Variants in HIP1 observed in about 807,000 individuals in gnomAD.
HIP1 encodes huntingtin-interacting protein 1.
A neutral mutation model predicts 147.6 loss-of-function variants in HIP1; 65 were observed. The observed-to-expected ratio is 0.44, with a 90% CI of 0.36 to 0.54. The LOEUF (loss-of-function observed/expected upper bound fraction) is 0.54. Ranked by LOEUF, HIP1 falls within the 20% of genes least tolerant of loss-of-function variation. HIP1 has a pLI of 0.00. For missense variants in HIP1, 1,061 were observed against 1,299.6 expected (o/e 0.82, Z 2.82); for synonymous variants, 479 against 504.0 (o/e 0.95, Z 0.67).
chr7:75,591,915 T>G lies in HIP1; in HGVS notation c.384+141A>C, dbSNP rs184617070. The G allele has an allele frequency of 3.7e-3, 2,820 of 761,140 alleles. 3 individuals carry two copies. Among genetic ancestry groups the G allele is most frequent in the Non-Finnish European group, 5.2e-3 (2,232 of 425,958 alleles). The allele number at this position is 761,140 out of a possible 1,614,324, so 47.1% of individuals were successfully genotyped here. ...ATCATGGTACTCTTTGGGGGCATCC[T>G]TAGTCCGTCTCTGGCACCCATGGGA... On this transcript the variant is annotated intron_variant, in intron 4 of 30. Coordinates refer to ENST00000336926, the MANE Select transcript of HIP1 (RefSeq NM_005338.7).
At chr7:75,715,358 T>A (rs190995273) in intron 1 of HIP1, among the ~76,000 whole-genome samples, 34 of 148,218 alleles carry the variant, frequency 2.3e-4, no homozygotes, top group African/African-American at 8.0e-4. Context: ...GCCAGTGCAA[T>A]CCAGCCTGGG....
intron 1 of HIP1, among the ~76,000 whole-genome samples, chr7:75,728,628 G>A (rs969030730): frequency 6.6e-6 from 1 of 152,160 alleles, no homozygotes; most frequent in Admixed American, 6.6e-5. Flanking sequence ...CCCTTTCAGT[G>A]CCCAAGTGGG....
rs587728473 is a variant in HIP1, at chr7:75,544,942, C to T, written c.2661-142G>A. The T allele has an allele frequency of 1.7e-5, 13 of 748,016 alleles. No individual in the cohort carries two copies. The Admixed American group carries it at 1.8e-4, about 10-fold the overall frequency. 46.3% of individuals were successfully genotyped at this position (748,016 alleles called of 1,614,324 possible). A position where few individuals can be genotyped will look rare whatever the true frequency, so the allele number is the denominator to read the frequency against. ...CCCTGTGTCCCCTGGGAGAGCCAGGCTCCCTTGTAAACTCGGTCCTATTGA... is the reference window on the plus strand; with the variant it reads ...CCCTGTGTCCCCTGGGAGAGCCAGGTTCCCTTGTAAACTCGGTCCTATTGA... On this transcript the variant is annotated intron_variant, in intron 26 of 30. Coordinates refer to ENST00000336926, the MANE Select transcript of HIP1 (RefSeq NM_005338.7).
intron 1 of HIP1, among the ~76,000 whole-genome samples, chr7:75,700,102 C>A (rs1351753376): frequency 6.6e-6 from 1 of 152,156 alleles, no homozygotes; most frequent in Admixed American, 6.6e-5. Flanking sequence ...CCGCCCGCAT[C>A]GGCCTCTCAA....
At chr7:75,704,770 A>G (rs1159508102) in intron 1 of HIP1, among the ~76,000 whole-genome samples, 3 of 130,556 alleles carry the variant, frequency 2.3e-5, no homozygotes, top group Admixed American at 7.8e-5. Flanking sequence ...ATGGGCTTTC[A>G]CCATGTTGCC....
At position 75,536,651 on chromosome 7, in the gene HIP1, G is replaced by T. The variant is rs1275530572; in HGVS notation, c.*1521C>A. ...ACAGGGCAGCGAGAGCCTGGGGCAT[G>T]TGGCTGAAAGGAGTTGGAGCCGCTG... On this transcript the variant is annotated 3_prime_UTR_variant, in exon 31 of 31. Coordinates refer to ENST00000336926, the MANE Select transcript of HIP1 (RefSeq NM_005338.7). The T allele has an allele frequency of 1.3e-5, 3 of 229,722 alleles. No homozygotes were observed. Among genetic ancestry groups the T allele is most frequent in the African/African-American group, 6.6e-5 (3 of 45,146 alleles). 14.2% of individuals were successfully genotyped at this position (229,722 alleles called of 1,614,324 possible).
intron 1 of HIP1, among the ~76,000 whole-genome samples, chr7:75,616,514 C>T (rs587657762): frequency 4.6e-5 from 7 of 151,948 alleles, no homozygotes; most frequent in South Asian, 2.1e-4. Context: ...TTCTAGCGAT[C>T]CTCCCACCTT....
chr7:75,618,255 G>A (rs1305551259), intron 1 of HIP1, among the ~76,000 whole-genome samples: 3 of 152,042 alleles, frequency 2.0e-5, no homozygotes, highest in Non-Finnish European at 4.4e-5. Context: ...GGGTTCAAGC[G>A]ATTCTCACAC....
Position 75,535,733 on chromosome 7 carries a change from C to T in HIP1, c.*2439G>A, listed in dbSNP as rs587725454. ...TTGTAATTTTTTTTTTTTTTTGAGACGGAGTTTTGCTCTTGTTGCCCAGGC... is the reference window on the plus strand; with the variant it reads ...TTGTAATTTTTTTTTTTTTTTGAGATGGAGTTTTGCTCTTGTTGCCCAGGC... On this transcript the variant is annotated 3_prime_UTR_variant, in exon 31 of 31. Transcript: ENST00000336926. 180 of 167,208 alleles carry T rather than the reference C, an allele frequency of 1.1e-3. No individual in the cohort carries two copies. Among genetic ancestry groups the T allele is most frequent in the Admixed American group, 3.0e-3 (45 of 14,966 alleles). 10.4% of individuals were successfully genotyped at this position (167,208 alleles called of 1,614,324 possible).
chr7:75,611,546 C>T (rs587621844), intron 1 of HIP1: 17 of 318,244 alleles, frequency 5.3e-5, no homozygotes, highest in Non-Finnish European at 7.6e-5. Context: ...CTTCCCCTCC[C>T]GGCCCCAGGC....
intron 1 of HIP1, among the ~76,000 whole-genome samples, chr7:75,609,999 T>A (rs1451507776): frequency 6.6e-6 from 1 of 151,000 alleles, no homozygotes; most frequent in Admixed American, 6.7e-5. Flanking sequence ...GCTTCCTGAA[T>A]TCAAGTGATT....
intron 30 of HIP1, among the ~76,000 whole-genome samples, chr7:75,539,029 G>A (rs1380339155): frequency 2.6e-5 from 4 of 152,142 alleles, no homozygotes; most frequent in African/African-American, 9.7e-5. Context: ...TAAATTCCCA[G>A]GGAGTTGGCA....
intron 1 of HIP1, among the ~76,000 whole-genome samples, chr7:75,663,285 A>G (rs1799373656): frequency 6.6e-6 from 1 of 152,090 alleles, no homozygotes; most frequent in African/African-American, 2.4e-5. Context: ...GGAAAACTCA[A>G]AGACAGATCA....
At chr7:75,623,129 C>T (rs922007156) in intron 1 of HIP1, among the ~76,000 whole-genome samples, 7 of 137,456 alleles carry the variant, frequency 5.1e-5, no homozygotes, top group African/African-American at 1.7e-4. Flanking sequence ...ACCTGGGAGA[C>T]GGAAGTTGCA....
chr7:75,681,658 C>T lies in HIP1; in HGVS notation c.120+57143G>A, dbSNP rs950137523. ...AGTAGCTGGGACTATGGGTGCATACCACCACGCATGGCTAATTTTTTATTT... is the reference window on the plus strand; with the variant it reads ...AGTAGCTGGGACTATGGGTGCATACTACCACGCATGGCTAATTTTTTATTT... On this transcript the variant is annotated intron_variant, in intron 1 of 30. Transcript: ENST00000336926. Among the ~76,000 whole-genome samples the T allele has an allele frequency of 3.2e-4, 49 of 151,884 alleles. 1 individual carries two copies. The highest frequency in any genetic ancestry group is 1.6e-4 in the Non-Finnish European group (11 of 67,978).
intron 1 of HIP1, among the ~76,000 whole-genome samples, chr7:75,634,889 A>G (rs1054989271): frequency 1.4e-5 from 2 of 147,428 alleles, no homozygotes; most frequent in Non-Finnish European, 3.0e-5. Flanking sequence ...AGAGTCAGCT[A>G]CAATTGTGCC....
chr7:75,609,411 C>A (rs936741137), intron 1 of HIP1, among the ~76,000 whole-genome samples: 2 of 152,112 alleles, frequency 1.3e-5, no homozygotes, highest in East Asian at 3.9e-4. Context: ...AAGTTCCCTG[C>A]GAGGACCAGT....
chr7:75,561,459 A>G (rs1795226285), intron 12 of HIP1, 58 bp from the exon 13 acceptor site: 1 of 1,125,676 alleles, frequency 8.9e-7, no homozygotes, highest in Non-Finnish European at 1.4e-6. Context: ...TCTGTTTTTA[A>G]TTGTGAGCTC....
rs1243684620 is a variant in HIP1 at position 75,553,533 on chromosome 7, G to C, written c.2215C>G (p.Leu739Val). 6.2e-7 allele frequency: 1 copy of C among 1,613,998 alleles called. No individual in the cohort carries two copies. The highest frequency in any genetic ancestry group is 2.2e-5 in the East Asian group (1 of 44,888). ...GRETLAYLAS[L>V]EEEGSLENAD... ...TTCTCAAGGCTTCCCTCTTCCTCCA[G>C]GGAGGCCAGGTAGGCGAGGGTTTCC... The change falls in exon 22 of 31, where the codon CTG becomes GTG. Residue 739 changes from leucine to valine, a missense_variant. Physicochemically the swap from Leu to Val is conservative, Grantham distance 32. This residue lies in a region of HIP1 where 810 missense variants were observed against 946.8 expected (regional missense o/e 0.86). Transcript: ENST00000336926.
Sources: allele counts gnomAD v4.1 joint callset (sites outside exome capture counted in the v4.1 genomes callset), GRCh38; gene constraint gnomAD v4.1.1; regional missense constraint gnomAD v4.1.1; transcripts MANE v1.5; gene names NCBI Gene and HGNC (gene_info 2026-07-23, HGNC 2026-07-21).